Variants in POGZ observed in about 807,000 individuals in gnomAD.
POGZ encodes the protein pogo transposable element with ZNF domain.
POGZ carries 17 observed loss-of-function variants against 134.6 expected under a neutral mutation model. That is an observed-to-expected ratio of 0.13 (90% CI 0.09 to 0.19). The LOEUF (loss-of-function observed/expected upper bound fraction) is 0.19, where lower values mean the gene tolerates loss of function less well. Ranked by LOEUF, POGZ falls within the 10% of genes least tolerant of loss-of-function variation. The pLI is 1.00. For synonymous variants in POGZ, 693 were observed against 657.1 expected (o/e 1.05, Z -0.84); for missense variants, 1,306 against 1,769.7 (o/e 0.74, Z 4.70).
chr1:151,409,889 C>T (rs1415589366), intron 12 of POGZ, among the ~76,000 whole-genome samples: 2 of 152,142 alleles, frequency 1.3e-5, no homozygotes, highest in Admixed American at 1.3e-4. Context: ...AAATAGAACC[C>T]ATGTCTATGA....
Position 151,412,312 on chromosome 1 carries a change from A to T in POGZ, c.1763T>A (p.Met588Lys). 1 of 1,592,510 alleles carries T rather than the reference A, an allele frequency of 6.3e-7. No homozygotes were observed. Among genetic ancestry groups the T allele is most frequent in the Non-Finnish European group, 8.6e-7 (1 of 1,162,882 alleles). ...HMKDTHKPGEMPYVCQVCQYR... is the reference protein window; with the variant it reads ...HMKDTHKPGEKPYVCQVCQYR... Reference sequence around the variant, plus strand: ...AGGCAATACCTGGCAAACATAAGGCATCTCTCCAGGCTTATGAGTATCCTT... The same window carrying T: ...AGGCAATACCTGGCAAACATAAGGCTTCTCTCCAGGCTTATGAGTATCCTT... Residue 588 changes from methionine to lysine, a missense_variant, in exon 11 of 19, where the codon ATG (methionine) becomes AAG (lysine). Met to Lys is a moderately conservative substitution (Grantham distance 95). Transcript: ENST00000271715.
intron 7 of POGZ, among the ~76,000 whole-genome samples, chr1:151,425,699 T>TA (rs1657655728): frequency 6.6e-6 from 1 of 152,240 alleles, no homozygotes; most frequent in African/African-American, 2.4e-5. Flanking sequence ...TTTCCTTTCT[T>TA]AAGCCTGAAC....
In POGZ at chr1:151,442,101, G is replaced by A. The variant is rs148488014; in HGVS notation, c.104C>T (p.Ser35Leu). Residue 35 changes from serine to leucine, a missense_variant, in exon 2 of 19, where the codon TCA (serine) becomes TTA (leucine). Ser to Leu is a moderately radical substitution (Grantham distance 145). Coordinates refer to ENST00000271715, the MANE Select transcript of POGZ (RefSeq NM_015100.4). Reference protein sequence around the residue: ...IEDSVVEDYNSVDKTTTVSVS... With the variant: ...IEDSVVEDYNLVDKTTTVSVS... ...GTTACCTGTGGTAGTTTTATCCACTGAATTATAATCTTCAACTACAGAGTC... is the reference window on the plus strand; with the variant it reads ...GTTACCTGTGGTAGTTTTATCCACTAAATTATAATCTTCAACTACAGAGTC... The A allele has an allele frequency of 1.7e-4, 271 of 1,602,308 alleles. No homozygotes were observed. The highest frequency in any genetic ancestry group is 3.0e-4 in the Admixed American group (18 of 59,928).
chr1:151,425,235 T>A (rs985496990), intron 7 of POGZ, 174 bp from the exon 8 acceptor site: 11 of 468,518 alleles, frequency 2.3e-5, no homozygotes, highest in South Asian at 2.2e-4. Flanking sequence ...GGTCTCTCAG[T>A]CTGTTGCCCA....
At chr1:151,429,799 C>T (rs990258314) in intron 4 of POGZ, 88 bp from the exon 5 acceptor site, 1 of 617,408 alleles carries the variant, frequency 1.6e-6, no homozygotes, top group South Asian at 2.2e-5. Flanking sequence ...AAAAAAAATT[C>T]CCATACTCTT....
rs562179861 is a variant in POGZ, at chr1:151,430,851, A to C, written c.284-10T>G. ...ACCAAAGGATTGCCAGCTAAAGGGT[A>C]AAGGAAGAAAAAAAAAAAGGAATGT... On this transcript the variant is annotated splice_polypyrimidine_tract_variant and intron_variant, in intron 3 of 18. Coordinates refer to ENST00000271715, the MANE Select transcript of POGZ (RefSeq NM_015100.4). 2 of 1,536,964 alleles carry C rather than the reference A, an allele frequency of 1.3e-6. No homozygotes were observed. Among genetic ancestry groups the C allele is most frequent in the African/African-American group, 1.4e-5 (1 of 69,030 alleles).
chr1:151,423,520 G>A lies in POGZ; in HGVS notation c.1555C>T (p.Leu519Phe). 1.2e-6 allele frequency: 2 copies of A among 1,613,748 alleles called. No homozygotes were observed. The highest frequency in any genetic ancestry group is 2.2e-5 in the East Asian group (1 of 44,888). The change falls in exon 10 of 19, where the codon CTC becomes TTC. Residue 519 changes from leucine to phenylalanine, a missense_variant. By Grantham distance (22) the Leu-to-Phe change is conservative. Around this residue, in one of 10 missense-constraint regions of POGZ, gnomAD observed 541 missense variants for 680.5 expected, o/e 0.80. Transcript: ENST00000271715. ...TCTACCTCACCGTTCTGCTGATCGA[G>A]TTCTACGTGGTGTTTCATATGGTTC... is the stretch of plus-strand genomic sequence containing the variant. ...FMNHMKHHVE[L>F]DQQNGEVDGH...
chr1:151,408,250 A>T lies in POGZ; in HGVS notation c.2235-10T>A. ...CCGGCCCATGACACTCCTGTGGGGG[A>T]AAAAAAAAAAGAATTCTCATTACTG... On this transcript the variant is annotated splice_polypyrimidine_tract_variant and intron_variant, in intron 14 of 18. Coordinates refer to ENST00000271715, the MANE Select transcript of POGZ (RefSeq NM_015100.4). The T allele has an allele frequency of 3.5e-6, 3 of 855,166 alleles. No individual in the cohort carries two copies. The highest frequency in any genetic ancestry group is 4.8e-6 in the Non-Finnish European group (3 of 627,500). The allele number at this position is 855,166 out of a possible 1,614,324, so 53.0% of individuals were successfully genotyped here. A position where few individuals can be genotyped will look rare whatever the true frequency, so the allele number is the denominator to read the frequency against.
Position 151,443,701 on chromosome 1 carries a change from C to T in POGZ, c.-1-1496G>A, listed in dbSNP as rs1029189190. Among the ~76,000 whole-genome samples, 4 of 151,908 alleles carry T rather than the reference C, an allele frequency of 2.6e-5. No homozygotes were observed. The East Asian group carries it at 7.7e-4, about 29-fold the overall frequency. On this transcript the variant is annotated intron_variant, in intron 1 of 18. Transcript: ENST00000271715. ...TGCACTCCAGCCTGGGCAACAACAG[C>T]GAAAGTCCATCTCAAAAAAAATAAA...
chr1:151,445,533 A>AG (rs1222143023), intron 1 of POGZ, among the ~76,000 whole-genome samples: 1 of 151,656 alleles, frequency 6.6e-6, no homozygotes, highest in Non-Finnish European at 1.5e-5. Flanking sequence ...AAAAAAAAAA[A>AG]AAAAAGAAAA....
At chr1:151,447,114 G>A (rs958174163) in intron 1 of POGZ, among the ~76,000 whole-genome samples, 4 of 152,180 alleles carry the variant, frequency 2.6e-5, no homozygotes, top group East Asian at 1.9e-4. Context: ...GGCTGGGCGC[G>A]GTGGCTCAAG....
intron 10 of POGZ, among the ~76,000 whole-genome samples, chr1:151,417,730 A>AC (rs1491094663): frequency 6.6e-5 from 9 of 136,092 alleles, no homozygotes; most frequent in African/African-American, 2.0e-4. Flanking sequence ...ACACACACAC[A>AC]AAAGGCCTTA....
At chr1:151,418,084 C>T (rs1308519148) in intron 10 of POGZ, among the ~76,000 whole-genome samples, 7 of 151,872 alleles carry the variant, frequency 4.6e-5, no homozygotes, top group Non-Finnish European at 1.0e-4. Context: ...GGCGTGGTGG[C>T]GTGTGCCTGT....
chr1:151,418,403 G>C (rs1190691668), intron 10 of POGZ, among the ~76,000 whole-genome samples: 1 of 152,052 alleles, frequency 6.6e-6, no homozygotes, highest in Non-Finnish European at 1.5e-5. Flanking sequence ...ATCTCATGGA[G>C]AGAGAGTAGA....
At chr1:151,441,963 T>C in intron 2 of POGZ, 118 bp downstream of exon 2, 1 of 672,222 alleles carries the variant, frequency 1.5e-6, no homozygotes, top group East Asian at 2.8e-5. Context: ...CACCAGTGAG[T>C]GCCACAACGA....
At chr1:151,437,963 C>G (rs1659903154) in intron 3 of POGZ, among the ~76,000 whole-genome samples, 1 of 152,060 alleles carries the variant, frequency 6.6e-6, no homozygotes, top group African/African-American at 2.4e-5. Context: ...AATCCCAGCA[C>G]TTTGGGAGGC....
chr1:151,406,691 C>A, intron 17 of POGZ, 60 bp from the exon 18 acceptor site: 1 of 1,428,688 alleles, frequency 7.0e-7, no homozygotes, highest in Non-Finnish European at 9.8e-7. Context: ...CCTCCAAAGA[C>A]AGTGCCCTGG....
In POGZ at chr1:151,404,821, A is replaced by G; in HGVS notation, c.4214T>C (p.Leu1405Pro). The change falls in exon 19 of 19, where the codon CTA (leucine) becomes CCA (proline). Residue 1405 changes from leucine (L) to proline (P), a missense_variant. Leu to Pro is a moderately conservative substitution (Grantham distance 98, BLOSUM62 -3). Coordinates refer to ENST00000271715, the MANE Select transcript of POGZ (RefSeq NM_015100.4). ...ESFYGFEEAD[L>P]DLMEI ...CAACACTCAAATCTCCATCAGATCT[A>G]GGTCAGCTTCTTCAAAGCCATAGAA... 6.2e-7 allele frequency: 1 copy of G among 1,609,026 alleles called. No homozygotes were observed. The highest frequency in any genetic ancestry group is 8.5e-7 in the Non-Finnish European group (1 of 1,177,574).
In POGZ at chr1:151,406,060, G is replaced by A; in HGVS notation, c.2975C>T (p.Ala992Val). The A allele has an allele frequency of 6.2e-7, 1 of 1,614,210 alleles. No individual in the cohort carries two copies. Among genetic ancestry groups the A allele is most frequent in the Non-Finnish European group, 8.5e-7 (1 of 1,180,008 alleles). Residue 992 changes from alanine to valine, a missense_variant, in exon 19 of 19, where the codon GCA becomes GTA. By Grantham distance (64) the Ala-to-Val change is moderately conservative (BLOSUM62 0). Around this residue, in one of 10 missense-constraint regions of POGZ, gnomAD observed 214 missense variants for 255.5 expected, o/e 0.84. Coordinates refer to ENST00000271715, the MANE Select transcript of POGZ (RefSeq NM_015100.4). Reference protein sequence around the residue: ...LFALCCNTEQAAEHFRNPQRR... With the variant: ...LFALCCNTEQVAEHFRNPQRR... ...CTGGGGATTTCGGAAGTGTTCAGCTGCCTGTTCTGTATTGCAGCATAGAGC... is the reference window on the plus strand; with the variant it reads ...CTGGGGATTTCGGAAGTGTTCAGCTACCTGTTCTGTATTGCAGCATAGAGC...
Sources: gnomAD v4.1 joint callset for allele counts (sites outside exome capture counted in the v4.1 genomes callset) on GRCh38, gnomAD v4.1.1 for gene constraint, gnomAD v4.1.1 regional missense constraint, MANE v1.5 for transcripts, NCBI Gene and HGNC (gene_info 2026-07-23, HGNC 2026-07-21) for gene names.